Variants in TLK1 observed in about 807,000 individuals in gnomAD.
The protein encoded by TLK1 is tousled like kinase 1.
A neutral mutation model predicts 105.3 loss-of-function variants in TLK1; 24 were observed. That is an observed-to-expected ratio of 0.23 (90% CI 0.17 to 0.32). The LOEUF is 0.32. Ranked by LOEUF, TLK1 falls within the 10% of genes least tolerant of loss-of-function variation. TLK1 has a pLI of 1.00. For synonymous variants in TLK1, 321 were observed against 310.4 expected (o/e 1.03, Z -0.36); for missense variants, 558 against 910.5 (o/e 0.61, Z 4.98).
At chr2:171,176,395 T>C (rs1426688231) in intron 1 of TLK1, among the ~76,000 whole-genome samples, 1 of 152,160 alleles carries the variant, frequency 6.6e-6, no homozygotes, top group Non-Finnish European at 1.5e-5. Context: ...TCGGCTAGCA[T>C]GGCTTCTCTT....
chr2:171,137,378 A>G (rs116838213), intron 1 of TLK1, among the ~76,000 whole-genome samples: 3,400 of 152,324 alleles, frequency 0.022, 54 homozygotes, highest in Non-Finnish European at 0.036. Context: ...TCAAAAAAGA[A>G]TATCAACAAA....
chr2:171,159,582 G>A (rs1339990026), intron 1 of TLK1: 2 of 152,260 alleles, frequency 1.3e-5, no homozygotes. Flanking sequence ...AAGAACAGTA[G>A]CCTACTTGCA....
In TLK1 at chr2:171,140,423, C is replaced by CTTAGT. The variant is rs1553482847; in HGVS notation, c.139+19866_139+19867insACTAA. ...GAGTCTGGTATACCAGGTTTCTTCT[C>CTTAGT]CCCTACAGGCATCTGCTGATTTAAG... On this transcript the variant is annotated intron_variant, in intron 1 of 20. Transcript: ENST00000431350. 5.0e-3 allele frequency among the ~76,000 whole-genome samples: 766 copies of CTTAGT among 152,298 alleles called. 6 individuals are homozygous for CTTAGT. The highest frequency in any genetic ancestry group is 0.017 in the African/African-American group (712 of 41,568).
intron 1 of TLK1, among the ~76,000 whole-genome samples, chr2:171,130,553 C>T (rs1691062021): frequency 1.3e-5 from 2 of 152,112 alleles, no homozygotes; most frequent in Admixed American, 1.3e-4. Context: ...TGTTTACTTA[C>T]TAAGTCCCAG....
chr2:171,187,763 T>C (rs762977971), intron 1 of TLK1, among the ~76,000 whole-genome samples: 2 of 152,232 alleles, frequency 1.3e-5, no homozygotes, highest in Non-Finnish European at 2.9e-5. Context: ...AACAAGAACC[T>C]TGTTACCCTT....
At chr2:171,190,266 TGGA>T (rs1254732779) in intron 1 of TLK1, among the ~76,000 whole-genome samples, 1 of 152,116 alleles carries the variant, frequency 6.6e-6, no homozygotes, top group African/African-American at 2.4e-5. Flanking sequence ...GTGCCAACCA[TGGA>T]GGTATAGGAA....
chr2:171,104,920 G>T (rs996443121), intron 2 of TLK1, among the ~76,000 whole-genome samples: 8 of 152,112 alleles, frequency 5.3e-5, no homozygotes, highest in African/African-American at 1.9e-4. Context: ...CTTCGACAAA[G>T]GCACTGGGAA....
chr2:171,160,488 G>A lies in TLK1; in HGVS notation c.-60C>T, dbSNP rs868845338. The stretch of plus-strand genomic sequence containing the variant: ...CGACGGCAGCGGCGGCAACGGCACC[G>A]GCACCCGCCTCCGTCATGGCGGGGG... On this transcript the variant is annotated 5_prime_UTR_variant, in exon 1 of 21. Transcript: ENST00000431350. The surrounding 1 kb of genome is among the most constrained non-coding windows in gnomAD (Gnocchi z 4.4). 5.9e-5 allele frequency: 93 copies of A among 1,569,084 alleles called. No homozygotes were observed. Among genetic ancestry groups the A allele is most frequent in the African/African-American group, 1.7e-4 (12 of 71,200 alleles).
chr2:171,115,030 A>C (rs189118992), intron 2 of TLK1, among the ~76,000 whole-genome samples: 24 of 152,302 alleles, frequency 1.6e-4, no homozygotes, highest in African/African-American at 3.6e-4. Flanking sequence ...TTTGTTATGG[A>C]AACAATAGAA....
chr2:171,199,641 G>C (rs1230687510), intron 1 of TLK1, among the ~76,000 whole-genome samples: 1 of 152,202 alleles, frequency 6.6e-6, no homozygotes, highest in East Asian at 1.9e-4. Context: ...TCCTATAAGT[G>C]TGTGTTTGGG....
intron 3 of TLK1, among the ~76,000 whole-genome samples, chr2:171,071,101 C>T (rs566376300): frequency 5.9e-5 from 9 of 152,262 alleles, no homozygotes; most frequent in African/African-American, 2.2e-4. Context: ...AAATCTTTTG[C>T]CCATTTTTAG....
intron 3 of TLK1, among the ~76,000 whole-genome samples, chr2:171,065,367 AT>A (rs1271921567): frequency 6.6e-6 from 1 of 152,196 alleles, no homozygotes; most frequent in African/African-American, 2.4e-5. Context: ...GACACAGAAT[AT>A]TTCTTTTTGT....
At position 170,993,643 on chromosome 2, in the gene TLK1, A is replaced by G; in HGVS notation, c.*137T>C. 1 of 786,782 alleles carries G rather than the reference A, an allele frequency of 1.3e-6. No homozygotes were observed. Among genetic ancestry groups the G allele is most frequent in the Non-Finnish European group, 1.8e-6 (1 of 546,370 alleles). The allele number at this position is 786,782 out of a possible 1,614,324, so 48.7% of individuals were successfully genotyped here. On this transcript the variant is annotated 3_prime_UTR_variant, in exon 21 of 21. Coordinates refer to ENST00000431350, the MANE Select transcript of TLK1 (RefSeq NM_012290.5). ...GACACTATGAGGAACTTCAGTTCAC[A>G]AACAGTTCTTAACCACGTCTTGTGT...
intron 11 of TLK1, among the ~76,000 whole-genome samples, chr2:171,040,706 A>C (rs1027336488): frequency 1.3e-5 from 2 of 151,486 alleles, no homozygotes; most frequent in Non-Finnish European, 2.9e-5. Flanking sequence ...CCTCCTGAGA[A>C]GCTGGGACTA....
At chr2:171,162,643 C>G (rs1692534881), upstream of TLK1, among the ~76,000 whole-genome samples, 1 of 152,202 alleles carries the variant, frequency 6.6e-6, no homozygotes, top group African/African-American at 2.4e-5. Flanking sequence ...ATCTATCACC[C>G]TCCAAAGTTT....
chr2:171,017,823 G>A (rs1422185492), intron 12 of TLK1, among the ~76,000 whole-genome samples: 1 of 152,140 alleles, frequency 6.6e-6, no homozygotes, highest in Non-Finnish European at 1.5e-5. Context: ...GTATTTAGAA[G>A]GAAATGTCAA....
intron 14 of TLK1, among the ~76,000 whole-genome samples, chr2:171,010,111 A>G (rs144793669): frequency 3.8e-4 from 58 of 152,348 alleles, no homozygotes; most frequent in African/African-American, 1.3e-3. Context: ...ACAATCAGCT[A>G]TGAGGTTCCG....
At chr2:171,202,740 G>A (rs1350128725) in intron 1 of TLK1, among the ~76,000 whole-genome samples, 6 of 152,210 alleles carry the variant, frequency 3.9e-5, no homozygotes, top group Non-Finnish European at 8.8e-5. Context: ...CTGAGTGACA[G>A]AGGAAGACTC....
At chr2:171,139,271 T>C (rs1024748764) in intron 1 of TLK1, among the ~76,000 whole-genome samples, 3 of 149,602 alleles carry the variant, frequency 2.0e-5, no homozygotes, top group Admixed American at 6.7e-5. Context: ...TTAACTTACA[T>C]TGGTACTAGC....
Sources: allele counts gnomAD v4.1 joint callset (sites outside exome capture counted in the v4.1 genomes callset), GRCh38; gene constraint gnomAD v4.1.1; non-coding constraint Gnocchi (gnomAD v3.1); transcripts MANE v1.5; gene names NCBI Gene and HGNC (gene_info 2026-07-23, HGNC 2026-07-21).